Variants in SORCS2 observed in about 807,000 individuals in gnomAD.
The protein encoded by SORCS2 is VPS10 domain-containing receptor SorCS2.
Under a neutral mutation model 141.6 loss-of-function variants are expected in SORCS2, and 100 were observed. The observed-to-expected ratio is 0.71, with a 90% CI of 0.60 to 0.83. The LOEUF (loss-of-function observed/expected upper bound fraction) is 0.83, where lower values mean the gene tolerates loss of function less well. Among genes scored for constraint, SORCS2 ranks in the 40% least tolerant of loss-of-function variants. SORCS2 has a pLI of 0.00. For synonymous variants in SORCS2, 789 were observed against 676.9 expected, an observed-to-expected ratio of 1.17 and a Z score of -2.57; for missense variants, 1,646 against 1,560.2, an observed-to-expected ratio of 1.05 and a Z score of -0.93.
chr4:7,434,951 G>T, intron 2 of SORCS2: 1 of 1,455,030 alleles, frequency 6.9e-7, no homozygotes, highest in Non-Finnish European at 9.1e-7. Context: ...CTCCTGCCTG[G>T]CCCCAGAGGA....
chr4:7,420,494 G>A (rs898421634), intron 2 of SORCS2, among the ~76,000 whole-genome samples: 1 of 152,216 alleles, frequency 6.6e-6, no homozygotes, highest in African/African-American at 2.4e-5. Context: ...CAGTGGACAT[G>A]TGGGGGCACT....
At chr4:7,406,214 T>C (rs1306390682) in intron 2 of SORCS2, among the ~76,000 whole-genome samples, 1 of 151,782 alleles carries the variant, frequency 6.6e-6, no homozygotes, top group East Asian at 1.9e-4. Context: ...TGTGTCCTTT[T>C]CTGGTTTTGA....
chr4:7,439,860 C>T (rs189750451), intron 2 of SORCS2, among the ~76,000 whole-genome samples: 9 of 152,184 alleles, frequency 5.9e-5, no homozygotes, highest in East Asian at 1.9e-4. Context: ...ATCTTGGTGA[C>T]GTCAGATGGT....
chr4:7,584,294 CAG>C (rs1488778794), intron 3 of SORCS2, among the ~76,000 whole-genome samples: 5 of 152,172 alleles, frequency 3.3e-5, no homozygotes, highest in African/African-American at 4.8e-5. Context: ...GTGGATGAAA[CAG>C]AGAGTTGGGA....
chr4:7,510,103 GA>G (rs1355413384), intron 2 of SORCS2, among the ~76,000 whole-genome samples: 11 of 152,392 alleles, frequency 7.2e-5, no homozygotes, highest in African/African-American at 2.6e-4. Context: ...GATGATTGGA[GA>G]AAGTGTGGCG....
intron 3 of SORCS2, among the ~76,000 whole-genome samples, chr4:7,556,009 C>G (rs1170052853): frequency 6.6e-6 from 1 of 152,244 alleles, no homozygotes; most frequent in African/African-American, 2.4e-5. Context: ...ATATTCAACA[C>G]TCAACTCACA....
Position 7,682,848 on chromosome 4 carries a change from C to T in SORCS2, c.1447C>T (p.Pro483Ser). Reference sequence around the variant, plus strand: ...CCGCGACTGGGATTACCTGAGGCCACCCAGCATGGACATGAATGGAAAACC... The same window carrying T: ...CCGCGACTGGGATTACCTGAGGCCATCCAGCATGGACATGAATGGAAAACC... Reference protein sequence around the residue: ...KGRDWDYLRPPSMDMNGKPTN... With the variant: ...KGRDWDYLRPSSMDMNGKPTN... Residue 483 changes from proline to serine, a missense_variant, in exon 10 of 27, where the codon CCC (proline) becomes TCC (serine). By Grantham distance (74) the Pro-to-Ser change is moderately conservative. Transcript: ENST00000507866. The T allele has an allele frequency of 6.2e-7, 1 of 1,613,388 alleles. No individual in the cohort carries two copies. Among genetic ancestry groups the T allele is most frequent in the Non-Finnish European group, 8.5e-7 (1 of 1,179,680 alleles).
chr4:7,422,028 G>T (rs987239281), intron 2 of SORCS2, among the ~76,000 whole-genome samples: 1 of 152,116 alleles, frequency 6.6e-6, no homozygotes, highest in African/African-American at 2.4e-5. Flanking sequence ...GAACCACACC[G>T]GTGCAGTCCA....
At chr4:7,551,288 T>G (rs527911953) in intron 3 of SORCS2, among the ~76,000 whole-genome samples, 1,467 of 14,608 alleles carry the variant, frequency 0.1, 22 homozygotes, top group Middle Eastern at 0.19. Context: ...TCCATGGGTC[T>G]TCTTCTTCCA....
At chr4:7,466,116 G>A (rs1029641916) in intron 2 of SORCS2, among the ~76,000 whole-genome samples, 2 of 152,186 alleles carry the variant, frequency 1.3e-5, no homozygotes, top group Non-Finnish European at 2.9e-5. Flanking sequence ...GAATGTGCAA[G>A]CATTCTCTGA....
intron 2 of SORCS2, among the ~76,000 whole-genome samples, chr4:7,472,783 C>A (rs529688548): frequency 3.9e-4 from 59 of 152,288 alleles, no homozygotes; most frequent in African/African-American, 1.3e-3. Flanking sequence ...TTGTAATTGA[C>A]TCCCCGCTGT....
At chr4:7,358,327 A>G (rs1721385424) in intron 1 of SORCS2, among the ~76,000 whole-genome samples, 2 of 152,244 alleles carry the variant, frequency 1.3e-5, no homozygotes, top group African/African-American at 4.8e-5. Flanking sequence ...GGCTGCTGTC[A>G]GTGATCCCAT....
chr4:7,715,400 G>A (rs1252925999), intron 17 of SORCS2, 89 bp downstream of exon 17: 12 of 1,554,624 alleles, frequency 7.7e-6, no homozygotes, highest in African/African-American at 1.4e-5. Context: ...GCTGGTGCCT[G>A]CAGCTCCCAA....
intron 1 of SORCS2, among the ~76,000 whole-genome samples, chr4:7,378,567 A>G (rs1174306110): frequency 7.2e-5 from 11 of 152,190 alleles, no homozygotes; most frequent in Admixed American, 6.5e-4. Context: ...CGAGAATGGC[A>G]TGGGGGAATC....
intron 2 of SORCS2, chr4:7,434,353 C>A (rs199512404): frequency 1.9e-6 from 3 of 1,607,984 alleles, no homozygotes; most frequent in African/African-American, 2.7e-5. Context: ...AGGCGCCTGG[C>A]GGGGGTGGAA....
chr4:7,640,504 G>T (rs1720659990), intron 4 of SORCS2, among the ~76,000 whole-genome samples: 1 of 93,556 alleles, frequency 1.1e-5, no homozygotes, highest in Non-Finnish European at 2.1e-5. Context: ...GAGCGTATGT[G>T]AGAGTGTGTG....
chr4:7,676,824 T>TCTCTCTCTCTCTCTCTCTCC lies in SORCS2; in HGVS notation c.1341+600_1341+601insTCTCTCTCTCTCTCCCTCTC, dbSNP rs765132758. 2.7e-3 allele frequency among the ~76,000 whole-genome samples: 134 copies of TCTCTCTCTCTCTCTCTCTCC among 49,088 alleles called. 31 individuals are homozygous for TCTCTCTCTCTCTCTCTCTCC. The highest frequency in any genetic ancestry group is 3.9e-3 in the African/African-American group (44 of 11,306). The allele number at this position is 49,088 out of a possible 152,430, so 32.2% of individuals were successfully genotyped here. A position where few individuals can be genotyped will look rare whatever the true frequency, so the allele number is the denominator to read the frequency against. ...TTCTGTCTCTCTCTCTCTCTCTCTC[T>TCTCTCTCTCTCTCTCTCTCC]CTCTCCCTCTCTCCACCCCAGCCCT... On this transcript the variant is annotated intron_variant, in intron 9 of 26. Coordinates refer to ENST00000507866, the MANE Select transcript of SORCS2 (RefSeq NM_020777.3).
intron 4 of SORCS2, among the ~76,000 whole-genome samples, chr4:7,642,753 T>C (rs966231317): frequency 6.6e-6 from 1 of 152,158 alleles, no homozygotes; most frequent in Non-Finnish European, 1.5e-5. Flanking sequence ...TCTGCTGGGC[T>C]TTGCTGCGAT....
chr4:7,570,466 C>CT (rs1255781899), intron 3 of SORCS2, among the ~76,000 whole-genome samples: 1 of 152,230 alleles, frequency 6.6e-6, no homozygotes, highest in African/African-American at 2.4e-5. Flanking sequence ...GCTGGAGGCG[C>CT]CCCCAGCAGC....
Sources: allele counts gnomAD v4.1 joint callset (sites outside exome capture counted in the v4.1 genomes callset), GRCh38; gene constraint gnomAD v4.1.1; transcripts MANE v1.5; gene names NCBI Gene and HGNC (gene_info 2026-07-23, HGNC 2026-07-21).